The following RNLS variants were observed in gnomAD, a reference collection of about 807,000 sequenced individuals.
The protein encoded by RNLS is renalase, FAD dependent amine oxidase, also known as renalase.
A neutral mutation model predicts 39.8 loss-of-function variants in RNLS; 39 were observed. That is an observed-to-expected ratio of 0.98 (90% CI 0.76 to 1.28). The LOEUF (loss-of-function observed/expected upper bound fraction) is 1.28. Among genes scored for constraint, RNLS ranks in the 50% most tolerant of loss-of-function variants. The probability of loss-of-function intolerance (pLI) is 0.00; values close to 1 mark genes in which losing one functional copy is unlikely to be tolerated. For missense variants in RNLS, 410 were observed against 413.3 expected, an observed-to-expected ratio of 0.99 and a Z score of 0.07; for synonymous variants, 147 against 150.7, an observed-to-expected ratio of 0.98 and a Z score of 0.18.
chr10:88,287,651 T>TGGCTGAGGAGGCCTCGAGAAAC (rs1389577706), intron 6 of RNLS, among the ~76,000 whole-genome samples: 1 of 152,086 alleles, frequency 6.6e-6, no homozygotes, highest in Non-Finnish European at 1.5e-5. Flanking sequence ...CAGTTCCAAA[T>TGGCTGAGGAGGCCTCGAGAAAC]GGCTGAGGAG....
At chr10:88,176,303 T>C in the RNLS span, among the ~76,000 whole-genome samples, 3 of 152,240 alleles carry the variant, frequency 2.0e-5, no homozygotes, top group South Asian at 6.2e-4. Flanking sequence ...GCCTCCCAAG[T>C]AGCTGGGACT....
the RNLS span, among the ~76,000 whole-genome samples, chr10:88,177,484 G>T: frequency 6.6e-6 from 1 of 152,112 alleles, no homozygotes. Context: ...ACCATGAATT[G>T]TTTTCCTGAT....
At chr10:88,582,384 C>A in intron 1 of RNLS, 77 bp from the exon 2 acceptor site, 1 of 1,090,278 alleles carries the variant, frequency 9.2e-7, no homozygotes, top group Non-Finnish European at 1.3e-6. Context: ...CCTTAGGTTA[C>A]CCCAAACAGA....
intron 5 of RNLS, among the ~76,000 whole-genome samples, chr10:88,344,882 C>A (rs1164173754): frequency 1.3e-5 from 2 of 152,126 alleles, no homozygotes; most frequent in African/African-American, 2.4e-5. Context: ...TCAAGAGATT[C>A]TTTTCTGATT....
chr10:88,468,098 G>T (rs1003803971), intron 4 of RNLS, among the ~76,000 whole-genome samples: 2 of 152,162 alleles, frequency 1.3e-5, no homozygotes, highest in African/African-American at 4.8e-5. Flanking sequence ...AGAACAACAG[G>T]ATGAGACTGA....
At chr10:88,355,387 G>A (rs1849077373) in intron 5 of RNLS, among the ~76,000 whole-genome samples, 1 of 152,140 alleles carries the variant, frequency 6.6e-6, no homozygotes, top group African/African-American at 2.4e-5. Flanking sequence ...TACAGATGGG[G>A]TTTTGGTGTG....
intron 4 of RNLS, among the ~76,000 whole-genome samples, chr10:88,467,247 T>A (rs1843267496): frequency 6.6e-6 from 1 of 151,362 alleles, no homozygotes; most frequent in Non-Finnish European, 1.5e-5. Context: ...GGAAAAGTTT[T>A]TTTCAAAAAA....
chr10:88,496,190 AACAG>A (rs1845163260), intron 4 of RNLS, among the ~76,000 whole-genome samples: 1 of 152,168 alleles, frequency 6.6e-6, no homozygotes, highest in African/African-American at 2.4e-5. Flanking sequence ...GCAATTACCC[AACAG>A]ACAGAGTGGT....
chr10:88,485,821 G>A (rs1190015329), intron 4 of RNLS, among the ~76,000 whole-genome samples: 1 of 151,842 alleles, frequency 6.6e-6, no homozygotes, highest in Non-Finnish European at 1.5e-5. Flanking sequence ...TTTTAAATCA[G>A]TACGCACCGA....
chr10:88,190,768 A>G, the RNLS span, among the ~76,000 whole-genome samples: 3 of 152,024 alleles, frequency 2.0e-5, no homozygotes, highest in Non-Finnish European at 2.9e-5. Context: ...CTTATTTCCC[A>G]TCTTCTCAGA....
intron 4 of RNLS, among the ~76,000 whole-genome samples, chr10:88,384,551 C>T (rs1164778705): frequency 2.0e-5 from 3 of 152,168 alleles, no homozygotes; most frequent in Non-Finnish European, 2.9e-5. Flanking sequence ...AATTTCTCTA[C>T]ACTATAAATT....
intron 4 of RNLS, among the ~76,000 whole-genome samples, chr10:88,389,162 A>C (rs1164074287): frequency 6.6e-6 from 1 of 152,218 alleles, no homozygotes; most frequent in Non-Finnish European, 1.5e-5. Context: ...GTAAACAATT[A>C]AAATCCACCC....
chr10:88,229,299 ATGTG>A, the RNLS span, among the ~76,000 whole-genome samples: 356 of 152,270 alleles, frequency 2.3e-3, no homozygotes, highest in Non-Finnish European at 3.1e-3. Context: ...CTCTGCCTCG[ATGTG>A]TGTATCAGTT....
chr10:88,459,980 G>C (rs945882300), intron 4 of RNLS, among the ~76,000 whole-genome samples: 1 of 152,102 alleles, frequency 6.6e-6, no homozygotes, highest in Non-Finnish European at 1.5e-5. Flanking sequence ...ACTGGAAAAA[G>C]AAGGCAAAAA....
At chr10:88,352,570 AG>A (rs965822659) in intron 5 of RNLS, among the ~76,000 whole-genome samples, 2 of 152,200 alleles carry the variant, frequency 1.3e-5, no homozygotes, top group African/African-American at 4.8e-5. Context: ...ATGGTAGATA[AG>A]CTTTTTGATG....
the RNLS span, among the ~76,000 whole-genome samples, chr10:88,206,184 C>T: frequency 6.6e-6 from 1 of 152,216 alleles, no homozygotes; most frequent in Admixed American, 6.5e-5. Context: ...CTGCAACATT[C>T]TGAAGCCTCT....
At chr10:88,468,007 C>T (rs188291239) in intron 4 of RNLS, among the ~76,000 whole-genome samples, 260 of 152,168 alleles carry the variant, frequency 1.7e-3, no homozygotes, top group African/African-American at 5.4e-3. Flanking sequence ...TCCAAAATAC[C>T]CACTGAAAAT....
chr10:88,263,539 A>T, the RNLS span, among the ~76,000 whole-genome samples: 1 of 150,532 alleles, frequency 6.6e-6, no homozygotes, highest in Non-Finnish European at 1.5e-5. Flanking sequence ...CTTTGTTTTC[A>T]TTTTTTTTTC....
chr10:88,530,258 A>G (rs1847339581), intron 4 of RNLS, among the ~76,000 whole-genome samples: 1 of 152,194 alleles, frequency 6.6e-6, no homozygotes, highest in Admixed American at 6.5e-5. Flanking sequence ...AGCACTCAGA[A>G]CTGCACCTGG....
Sources: allele counts gnomAD v4.1 joint callset (sites outside exome capture counted in the v4.1 genomes callset), GRCh38; gene constraint gnomAD v4.1.1; transcripts MANE v1.5; gene names NCBI Gene and HGNC (gene_info 2026-07-23, HGNC 2026-07-21).